Variants in CMTM8 observed in about 807,000 individuals in gnomAD.
CMTM8 encodes the protein CKLF-like MARVEL transmembrane domain-containing protein 8.
In CMTM8, 12 loss-of-function variants were observed where a neutral mutation model predicts 18.6. The observed-to-expected ratio is 0.65, with a 90% CI of 0.41 to 1.05. The LOEUF is 1.05. Among genes scored for constraint, CMTM8 ranks in the 50% least tolerant of loss-of-function variants. The probability of loss-of-function intolerance (pLI) is 0.00; values close to 1 mark genes in which losing one functional copy is unlikely to be tolerated. For missense variants in CMTM8, 217 were observed against 227.2 expected (o/e 0.95, Z 0.29); for synonymous variants, 87 against 90.6 (o/e 0.96, Z 0.23).
intron 1 of CMTM8, among the ~76,000 whole-genome samples, chr3:32,343,760 C>T (rs1249613781): frequency 6.6e-6 from 1 of 152,148 alleles, no homozygotes; most frequent in Non-Finnish European, 1.5e-5. Flanking sequence ...AGTGCAATGG[C>T]GTGATCTCAA....
intron 1 of CMTM8, among the ~76,000 whole-genome samples, chr3:32,241,717 C>A (rs559052936): frequency 6.6e-6 from 1 of 152,324 alleles, no homozygotes; most frequent in East Asian, 1.9e-4. Context: ...CAAGGGGCAT[C>A]TGTATAGTCT....
At chr3:32,262,864 G>A (rs910008045) in intron 1 of CMTM8, among the ~76,000 whole-genome samples, 2 of 152,180 alleles carry the variant, frequency 1.3e-5, no homozygotes, top group Admixed American at 6.5e-5. Flanking sequence ...TCAGCTTCTA[G>A]TGAGTTTTCA....
In CMTM8 at chr3:32,361,286, G is replaced by GTTTTTTTTTTTTTTTTT. The variant is rs58364646; in HGVS notation, c.321+3749_321+3750insTTTTTTTTTTTTTTTTT. Among the ~76,000 whole-genome samples the GTTTTTTTTTTTTTTTTT allele has an allele frequency of 1.3e-4, 11 of 87,264 alleles. No individual in the cohort carries two copies. In the South Asian group the frequency reaches 1.4e-3, roughly 11 times the overall value. 57.2% of individuals were successfully genotyped at this position (87,264 alleles called of 152,430 possible). On this transcript the variant is annotated intron_variant, in intron 2 of 3. Coordinates refer to ENST00000307526, the MANE Select transcript of CMTM8 (RefSeq NM_178868.5). ...GTGAGCCACGGCGCCCAGCCTAAGAGTTTTTTTTTCTTTCAAATTTTGGAA... is the reference window on the plus strand; with the variant it reads ...GTGAGCCACGGCGCCCAGCCTAAGAGTTTTTTTTTTTTTTTTTTTTTTTTTTCTTTCAAATTTTGGAA...
At chr3:32,352,967 G>A (rs1696742259) in intron 1 of CMTM8, among the ~76,000 whole-genome samples, 1 of 151,912 alleles carries the variant, frequency 6.6e-6, no homozygotes, top group Non-Finnish European at 1.5e-5. Flanking sequence ...TGATAACAGA[G>A]TAAACTAAGG....
intron 1 of CMTM8, among the ~76,000 whole-genome samples, chr3:32,329,231 A>G (rs2125582636): frequency 6.6e-6 from 1 of 152,196 alleles, no homozygotes; most frequent in South Asian, 2.1e-4. Context: ...AAGCCCGGCT[A>G]ATTTTTGTAT....
intron 1 of CMTM8, among the ~76,000 whole-genome samples, chr3:32,352,860 T>TA (rs144437419): frequency 0.12 from 15,271 of 125,646 alleles, 993 homozygotes; most frequent in Middle Eastern, 0.23. Context: ...CAGTGAAAGT[T>TA]AAAACATAGG....
chr3:32,342,784 A>T (rs1387426227), intron 1 of CMTM8, among the ~76,000 whole-genome samples: 1 of 152,240 alleles, frequency 6.6e-6, no homozygotes, highest in Non-Finnish European at 1.5e-5. Flanking sequence ...GAGCCATTGT[A>T]AACCCTGGCA....
At chr3:32,337,600 G>C (rs569849312) in intron 1 of CMTM8, among the ~76,000 whole-genome samples, 1 of 152,282 alleles carries the variant, frequency 6.6e-6, no homozygotes, top group South Asian at 2.1e-4. Flanking sequence ...TAAATCCCTG[G>C]TGTGTGGAGC....
chr3:32,253,262 T>G (rs1702137177), intron 1 of CMTM8, among the ~76,000 whole-genome samples: 1 of 152,210 alleles, frequency 6.6e-6, no homozygotes, highest in East Asian at 1.9e-4. Flanking sequence ...TTAGTTTCCT[T>G]TGCTATATTC....
intron 1 of CMTM8, among the ~76,000 whole-genome samples, chr3:32,320,328 C>A (rs77481306): frequency 0.042 from 6,419 of 152,200 alleles, 189 homozygotes; most frequent in Middle Eastern, 0.1. Context: ...CATGCCACAA[C>A]GAGGAGGAAC....
intron 1 of CMTM8, among the ~76,000 whole-genome samples, chr3:32,264,881 T>C (rs1702312659): frequency 6.6e-6 from 1 of 152,124 alleles, no homozygotes; most frequent in Admixed American, 6.5e-5. Flanking sequence ...GGTAAAGGGA[T>C]CAATTCAACA....
rs898698732 is a variant in CMTM8 at position 32,358,599 on chromosome 3, C to T, written c.321+1053C>T. ...CAGACAACACTATCATTGTTCAAAA[C>T]GCACCTGGCTTTGTTCTTTCTGTGT... On this transcript the variant is annotated intron_variant, in intron 2 of 3. Transcript: ENST00000307526. This position sits in a 1 kb window ranked among gnomAD's most constrained non-coding sequence, Gnocchi z 4.1. 1.3e-5 allele frequency among the ~76,000 whole-genome samples: 2 copies of T among 152,198 alleles called. No individual in the cohort carries two copies. Among genetic ancestry groups the T allele is most frequent in the South Asian group, 2.1e-4 (1 of 4,830 alleles).
At chr3:32,337,149 G>C (rs1696404852) in intron 1 of CMTM8, among the ~76,000 whole-genome samples, 2 of 152,128 alleles carry the variant, frequency 1.3e-5, no homozygotes, top group Admixed American at 6.5e-5. Context: ...GAGCCCTCAT[G>C]ATCCAATCAC....
At chr3:32,245,623 G>A (rs565783354) in intron 1 of CMTM8, among the ~76,000 whole-genome samples, 26 of 152,170 alleles carry the variant, frequency 1.7e-4, no homozygotes, top group Middle Eastern at 6.8e-3. Context: ...ATAATGTTAG[G>A]TCACCTTTTA....
chr3:32,262,307 C>T (rs1381839153), intron 1 of CMTM8, among the ~76,000 whole-genome samples: 2 of 152,176 alleles, frequency 1.3e-5, no homozygotes, highest in Non-Finnish European at 2.9e-5. Flanking sequence ...GTCCTTTGGG[C>T]CATGGCATTG....
At chr3:32,346,509 T>C (rs749948) in intron 1 of CMTM8, among the ~76,000 whole-genome samples, 63,865 of 152,106 alleles carry the variant, frequency 0.42, 15,209 homozygotes, top group Non-Finnish European at 0.56. Flanking sequence ...GGTAGGTGTC[T>C]GGTGAGGGCT....
rs148622439 is a variant in CMTM8, at chr3:32,238,993, C to G, written c.21C>G (p.Ala7=). MEEPQR[A]RSHTVTTTAS... ...CGACGATGGAGGAGCCGCAGCGCGC[C>G]CGCTCGCACACAGTCACCACCACCG... The change falls in exon 1 of 4, where the codon GCC becomes GCG. Residue 7 remains alanine, a synonymous_variant. Transcript: ENST00000307526. The G allele has an allele frequency of 8.8e-5, 137 of 1,552,012 alleles. No individual in the cohort carries two copies. The African/African-American group carries it at 1.7e-3, about 20-fold the overall frequency.
intron 3 of CMTM8, 69 bp from the exon 4 acceptor site, chr3:32,369,815 T>C: frequency 2.0e-6 from 2 of 989,578 alleles, no homozygotes; most frequent in Non-Finnish European, 1.6e-6. Context: ...TCAATGGAGG[T>C]GAAATGATAA....
intron 2 of CMTM8, among the ~76,000 whole-genome samples, chr3:32,361,286 G>GTTTTTTTTTTTGTTTTTTTTTTTT (rs58364646): frequency 3.4e-5 from 3 of 87,224 alleles, no homozygotes; most frequent in African/African-American, 1.2e-4. Context: ...CAGCCTAAGA[G>GTTTTTTTTTTTGTTTTTTTTTTTT]TTTTTTTTTC....
Sources: allele counts gnomAD v4.1 joint callset (sites outside exome capture counted in the v4.1 genomes callset), GRCh38; gene constraint gnomAD v4.1.1; non-coding constraint Gnocchi (gnomAD v3.1); transcripts MANE v1.5; gene names NCBI Gene and HGNC (gene_info 2026-07-23, HGNC 2026-07-21).